Variants in HLTF observed in about 807,000 individuals in gnomAD.
HLTF encodes helicase like transcription factor.
Under a neutral mutation model 129.4 loss-of-function variants are expected in HLTF, and 127 were observed. The ratio of observed to expected loss-of-function variants is 0.98; its 90% confidence interval spans 0.85 to 1.14. The LOEUF is 1.14. Among genes scored for constraint, HLTF ranks in the 50% most tolerant of loss-of-function variants. HLTF has a pLI of 0.00. For missense variants in HLTF, 1,139 were observed against 1,187.1 expected (o/e 0.96, Z 0.60); for synonymous variants, 332 against 388.8 (o/e 0.85, Z 1.72).
At chr3:149,082,901 A>C (rs1261921289) in intron 2 of HLTF, among the ~76,000 whole-genome samples, 1 of 151,972 alleles carries the variant, frequency 6.6e-6, no homozygotes, top group Non-Finnish European at 1.5e-5. Context: ...GTAGAAGATA[A>C]GTTATGGTTC....
Position 149,086,396 on chromosome 3 carries a change from C to T in HLTF, c.-60G>A, listed in dbSNP as rs1720428832. ...CTCCCCTGGATCGTTTTCGAGCCGCCTCGATACGCCTCCTTCCAGGCCCCG... is the reference window on the plus strand; with the variant it reads ...CTCCCCTGGATCGTTTTCGAGCCGCTTCGATACGCCTCCTTCCAGGCCCCG... On this transcript the variant is annotated 5_prime_UTR_variant, in exon 1 of 25. Coordinates refer to ENST00000310053, the MANE Select transcript of HLTF (RefSeq NM_003071.4). 1 of 1,537,542 alleles carries T rather than the reference C, an allele frequency of 6.5e-7. No individual in the cohort carries two copies. Among genetic ancestry groups the T allele is most frequent in the African/African-American group, 1.4e-5 (1 of 72,920 alleles).
intron 23 of HLTF, among the ~76,000 whole-genome samples, chr3:149,037,105 T>A (rs902243826): frequency 2.0e-5 from 3 of 152,186 alleles, no homozygotes; most frequent in Non-Finnish European, 4.4e-5. Flanking sequence ...TAGTTACAAA[T>A]ATTTTTTATA....
chr3:149,048,383 A>C lies in HLTF; in HGVS notation c.1757-220T>G, dbSNP rs1022809881. Among the ~76,000 whole-genome samples the C allele has an allele frequency of 5.3e-5, 8 of 152,222 alleles. No individual in the cohort carries two copies. The South Asian group carries it at 1.2e-3, about 24-fold the overall frequency. ...CTCTAATTTTTAGCTCTCACATGACACACTAGCCAAGAAAAAGACTGGAAA... is the reference window on the plus strand; with the variant it reads ...CTCTAATTTTTAGCTCTCACATGACCCACTAGCCAAGAAAAAGACTGGAAA... On this transcript the variant is annotated intron_variant, in intron 16 of 24. Coordinates refer to ENST00000310053, the MANE Select transcript of HLTF (RefSeq NM_003071.4).
intron 20 of HLTF, 83 bp from the exon 21 acceptor site, chr3:149,040,239 A>G: frequency 8.5e-7 from 1 of 1,176,612 alleles, no homozygotes; most frequent in Non-Finnish European, 1.2e-6. Flanking sequence ...AATGTATGCT[A>G]AAATCTGTAT....
intron 1 of HLTF, among the ~76,000 whole-genome samples, chr3:149,085,458 C>T (rs1720282702): frequency 6.6e-6 from 1 of 152,272 alleles, no homozygotes; most frequent in African/African-American, 2.4e-5. Context: ...CACTGCACTC[C>T]AGCCTGGACG....
At chr3:149,083,006 C>T (rs1720002934) in intron 2 of HLTF, among the ~76,000 whole-genome samples, 1 of 152,112 alleles carries the variant, frequency 6.6e-6, no homozygotes, top group African/African-American at 2.4e-5. Flanking sequence ...AATCCCAGCA[C>T]TTTGGAAGGC....
chr3:149,046,312 A>T, intron 17 of HLTF, 53 bp from the exon 18 acceptor site: 1 of 978,576 alleles, frequency 1.0e-6, no homozygotes, highest in Non-Finnish European at 1.5e-6. Context: ...ACATAAATTG[A>T]TCCAAGAAGA....
In HLTF at chr3:149,040,144, A is replaced by AT. The variant is rs1319015240; in HGVS notation, c.2388dup (p.Cys797MetfsTer7). On this transcript the variant is annotated frameshift_variant, in exon 21 of 25. Transcript: ENST00000310053. LOFTEE classifies it high-confidence loss of function. The stretch of plus-strand genomic sequence containing the variant: ...TGTATATCATTTCTGCATAAAGGGC[A>AT]TTTAGCATGTGGCTATATAAGAAAG... 6.2e-7 allele frequency: 1 copy of AT among 1,607,404 alleles called. No homozygotes were observed. The highest frequency in any genetic ancestry group is 1.1e-5 in the South Asian group (1 of 90,268).
chr3:149,048,698 C>A lies in HLTF; in HGVS notation c.1756+165G>T, dbSNP rs185710515. 3.9e-5 allele frequency among the ~76,000 whole-genome samples: 6 copies of A among 152,220 alleles called. No homozygotes were observed. In the East Asian group the frequency reaches 9.6e-4, roughly 24 times the overall value. On this transcript the variant is annotated intron_variant, in intron 16 of 24. Coordinates refer to ENST00000310053, the MANE Select transcript of HLTF (RefSeq NM_003071.4). ...CAATAAGTCAAATGTTGTTATATCACGGGCAATTATGAAGAACAACTCAAA... is the reference window on the plus strand; with the variant it reads ...CAATAAGTCAAATGTTGTTATATCAAGGGCAATTATGAAGAACAACTCAAA...
intron 18 of HLTF, 105 bp from the exon 19 acceptor site, chr3:149,042,395 T>C (rs1265126031): frequency 2.3e-5 from 22 of 946,418 alleles, no homozygotes; most frequent in Non-Finnish European, 4.7e-6. Context: ...CTCTAGAAAT[T>C]ACTCCAAAAC....
chr3:149,042,000 TG>T, intron 19 of HLTF, 165 bp downstream of exon 19: 1 of 629,414 alleles, frequency 1.6e-6, no homozygotes, highest in Non-Finnish European at 2.8e-6. Context: ...TCCATTTCAT[TG>T]GTAAAAAAAT....
intron 14 of HLTF, chr3:149,052,130 G>A (rs1717049410): frequency 6.7e-6 from 1 of 148,426 alleles, no homozygotes; most frequent in Non-Finnish European, 1.5e-5. Flanking sequence ...CTCCAGCCTG[G>A]GCGACAGAGC....
chr3:149,048,599 A>G (rs984436350), intron 16 of HLTF, among the ~76,000 whole-genome samples: 33 of 152,254 alleles, frequency 2.2e-4, no homozygotes, highest in African/African-American at 7.9e-4. Context: ...TAGAGTGTCT[A>G]CTCCATTTCC....
intron 23 of HLTF, 146 bp from the exon 24 acceptor site, chr3:149,035,144 T>TG: frequency 1.5e-6 from 1 of 661,548 alleles, no homozygotes; most frequent in Non-Finnish European, 2.7e-6. Context: ...ACAAATACTC[T>TG]GGGGAAAAAT....
Position 149,054,213 on chromosome 3 carries a change from G to C in HLTF, c.1473+1090C>G, listed in dbSNP as rs375216462. ...CAGATTACAATGAATTAAGGAATTA[G>C]TAAGTAAAAGCACAAAGTAGAAATT... On this transcript the variant is annotated intron_variant, in intron 14 of 24. Coordinates refer to ENST00000310053, the MANE Select transcript of HLTF (RefSeq NM_003071.4). Among the ~76,000 whole-genome samples, 13 of 152,128 alleles carry C rather than the reference G, an allele frequency of 8.5e-5. No individual in the cohort carries two copies. The East Asian group carries it at 1.2e-3, about 14-fold the overall frequency.
chr3:149,055,853 C>T (rs965485830), intron 13 of HLTF, among the ~76,000 whole-genome samples: 2 of 152,172 alleles, frequency 1.3e-5, no homozygotes, highest in African/African-American at 4.8e-5. Flanking sequence ...GATAGTATGT[C>T]ACTTCTGAGA....
intron 10 of HLTF, 81 bp downstream of exon 10, chr3:149,063,350 G>T: frequency 1.1e-6 from 1 of 938,664 alleles, no homozygotes; most frequent in Non-Finnish European, 1.7e-6. Context: ...GTGAGCCACC[G>T]TGCCCAGCCT....
intron 24 of HLTF, among the ~76,000 whole-genome samples, 191 bp from the exon 25 acceptor site, chr3:149,032,563 G>A (rs540614383): frequency 6.6e-6 from 1 of 152,210 alleles, no homozygotes; most frequent in South Asian, 2.1e-4. Context: ...TAAAGAATAT[G>A]GCTGTACGAA....
rs1158198397 is a variant in HLTF at position 149,075,958 on chromosome 3, A to G, written c.318T>C (p.Asn106=). Residue 106 remains asparagine (N), a synonymous_variant, in exon 3 of 25, where the codon AAT becomes AAC. Coordinates refer to ENST00000310053, the MANE Select transcript of HLTF (RefSeq NM_003071.4). The stretch of plus-strand genomic sequence containing the variant: ...GCTCTTTCTTTAAATGGCCAACTTG[A>G]TTTCCATTCACATTGTTTACTTTAA... ...NAIKVNNVNG[N]QVGHLKKELA... 52 of 1,587,982 alleles carry G rather than the reference A, an allele frequency of 3.3e-5. No individual in the cohort carries two copies. The highest frequency in any genetic ancestry group is 4.4e-5 in the Non-Finnish European group (51 of 1,157,028).
Sources: allele counts gnomAD v4.1 joint callset (sites outside exome capture counted in the v4.1 genomes callset), GRCh38; gene constraint gnomAD v4.1.1; transcripts MANE v1.5; gene names NCBI Gene and HGNC (gene_info 2026-07-23, HGNC 2026-07-21).